The following NKAIN2 variants were observed in gnomAD, a reference collection of about 807,000 sequenced individuals.
The protein encoded by NKAIN2 is sodium/potassium transporting ATPase interacting 2, also known as sodium/potassium-transporting ATPase subunit beta-1-interacting protein 2.
Under a neutral mutation model 32.6 loss-of-function variants are expected in NKAIN2, and 14 were observed. That is an observed-to-expected ratio of 0.43 (90% confidence interval 0.28 to 0.67). NKAIN2 has a LOEUF of 0.67. Ranked by LOEUF, NKAIN2 falls within the 30% of genes least tolerant of loss-of-function variation. NKAIN2 has a pLI of 0.17. For synonymous variants in NKAIN2, 80 were observed against 87.2 expected (o/e 0.92, Z 0.46); for missense variants, 198 against 258.3 (o/e 0.77, Z 1.60).
intron 1 of NKAIN2, among the ~76,000 whole-genome samples, chr6:123,969,543 T>A (rs1778244140): frequency 6.6e-6 from 1 of 152,218 alleles, no homozygotes; most frequent in South Asian, 2.1e-4. Flanking sequence ...ATCTGTGTAG[T>A]AAGACTTTTT....
intron 1 of NKAIN2, among the ~76,000 whole-genome samples, chr6:124,199,531 G>C (rs1192638798): frequency 6.6e-6 from 1 of 152,138 alleles, no homozygotes; most frequent in Non-Finnish European, 1.5e-5. Flanking sequence ...GAAGCATGAA[G>C]ATATAGTCAG....
chr6:123,911,415 A>G (rs1775171947), intron 1 of NKAIN2, among the ~76,000 whole-genome samples: 1 of 152,010 alleles, frequency 6.6e-6, no homozygotes, highest in Admixed American at 6.6e-5. Flanking sequence ...AGGAGGTGCC[A>G]GACTCTTCAA....
intron 3 of NKAIN2, among the ~76,000 whole-genome samples, chr6:124,591,270 CAAG>C (rs1781901665): frequency 6.6e-6 from 1 of 152,098 alleles, no homozygotes; most frequent in Non-Finnish European, 1.5e-5. Flanking sequence ...TGGCCCGAGA[CAAG>C]AAATTCTTGG....
chr6:124,812,803 T>G (rs1780964014), intron 5 of NKAIN2, among the ~76,000 whole-genome samples: 1 of 152,134 alleles, frequency 6.6e-6, no homozygotes, highest in Non-Finnish European at 1.5e-5. Flanking sequence ...TTTGAACCTT[T>G]TCTTTTCCTC....
At chr6:124,364,686 G>T (rs1185458079) in intron 3 of NKAIN2, among the ~76,000 whole-genome samples, 1 of 151,632 alleles carries the variant, frequency 6.6e-6, no homozygotes, top group East Asian at 1.9e-4. Flanking sequence ...TCAACAACAC[G>T]TAAGATAAAT....
intron 1 of NKAIN2, among the ~76,000 whole-genome samples, chr6:124,054,564 A>G (rs907419446): frequency 7.9e-5 from 12 of 152,040 alleles, no homozygotes; most frequent in African/African-American, 2.9e-4. Flanking sequence ...CAAGCTAGGG[A>G]AATAGCACTT....
intron 4 of NKAIN2, among the ~76,000 whole-genome samples, chr6:124,721,378 T>C (rs1165224926): frequency 4.4e-5 from 6 of 137,220 alleles, no homozygotes; most frequent in African/African-American, 8.4e-5. Flanking sequence ...CACTCCCGCC[T>C]GGGCGACAGA....
chr6:124,428,165 T>C (rs1264564758), intron 3 of NKAIN2, among the ~76,000 whole-genome samples: 1 of 152,106 alleles, frequency 6.6e-6, no homozygotes. Flanking sequence ...AATTTTGTTG[T>C]TTTTAAAAAT....
At chr6:124,234,328 G>T in intron 1 of NKAIN2, among the ~76,000 whole-genome samples, 1 of 152,006 alleles carries the variant, frequency 6.6e-6, no homozygotes, top group East Asian at 1.9e-4. Flanking sequence ...TAAACTTTAT[G>T]AATAATCCAT....
chr6:124,251,245 C>T (rs1270586124), intron 1 of NKAIN2, among the ~76,000 whole-genome samples: 1 of 151,928 alleles, frequency 6.6e-6, no homozygotes, highest in Non-Finnish European at 1.5e-5. Flanking sequence ...AAAAGCCAGC[C>T]ATGTTCTGTG....
At chr6:124,760,429 AAT>A (rs959101686) in intron 4 of NKAIN2, among the ~76,000 whole-genome samples, 5 of 146,214 alleles carry the variant, frequency 3.4e-5, no homozygotes, top group South Asian at 4.4e-4. Context: ...AAAAAAAAAA[AAT>A]AGGCATCTCC....
At chr6:124,129,637 G>T (rs1160587546) in intron 1 of NKAIN2, among the ~76,000 whole-genome samples, 1 of 151,254 alleles carries the variant, frequency 6.6e-6, no homozygotes, top group Admixed American at 6.6e-5. Flanking sequence ...TTTTTTTTGA[G>T]ACGAAGTTTC....
chr6:124,530,219 T>A lies in NKAIN2; in HGVS notation c.274-127967T>A, dbSNP rs143415732. 1.9e-3 allele frequency among the ~76,000 whole-genome samples: 297 copies of A among 152,326 alleles called. 3 individuals are homozygous for A. The highest frequency in any genetic ancestry group is 7.0e-3 in the African/African-American group (290 of 41,590). On this transcript the variant is annotated intron_variant, in intron 3 of 6. Transcript: ENST00000368417. ...GGAACCTTACAGACAATATAAACAGTCAGTTAATGCATATTTTCTATATGT... is the reference window on the plus strand; with the variant it reads ...GGAACCTTACAGACAATATAAACAGACAGTTAATGCATATTTTCTATATGT...
chr6:124,740,466 G>GTGTGTA (rs1159453484), intron 4 of NKAIN2, among the ~76,000 whole-genome samples: 1 of 150,932 alleles, frequency 6.6e-6, no homozygotes, highest in Non-Finnish European at 1.5e-5. Context: ...GTGTGTGTGT[G>GTGTGTA]TGTGTGTGGT....
intron 1 of NKAIN2, among the ~76,000 whole-genome samples, chr6:123,815,955 A>G (rs1204209396): frequency 6.6e-6 from 1 of 152,172 alleles, no homozygotes; most frequent in South Asian, 2.1e-4. Flanking sequence ...GGGCAGCATG[A>G]TAAGAACTTA....
chr6:124,728,856 T>TA (rs2114656123), intron 4 of NKAIN2, among the ~76,000 whole-genome samples: 1 of 151,294 alleles, frequency 6.6e-6, no homozygotes, highest in Admixed American at 6.6e-5. Flanking sequence ...ATAGACGCAA[T>TA]AAAAAATGAT....
At position 124,048,849 on chromosome 6, in the gene NKAIN2, C is replaced by A. The variant is rs545004564; in HGVS notation, c.55-234156C>A. ...GCTGTCACAGTAATTTTCTTAAGTG[C>A]ATGGCTCAGTCGTATTAGGTCTTTT... On this transcript the variant is annotated intron_variant, in intron 1 of 6. Transcript: ENST00000368417. 3.3e-5 allele frequency among the ~76,000 whole-genome samples: 5 copies of A among 152,130 alleles called. No homozygotes were observed. The South Asian group carries it at 8.3e-4, about 25-fold the overall frequency.
At chr6:124,323,014 C>A (rs1337663947) in intron 2 of NKAIN2, among the ~76,000 whole-genome samples, 2 of 152,144 alleles carry the variant, frequency 1.3e-5, no homozygotes. Context: ...ATTTGCATTT[C>A]CCTAATGGCT....
chr6:124,780,683 G>T (rs1426449677), intron 4 of NKAIN2, among the ~76,000 whole-genome samples: 1 of 152,278 alleles, frequency 6.6e-6, no homozygotes, highest in Admixed American at 6.5e-5. Flanking sequence ...TTATCGTTTA[G>T]ATTTTCAAGC....
Sources: gnomAD v4.1 joint callset for allele counts (sites outside exome capture counted in the v4.1 genomes callset) on GRCh38, gnomAD v4.1.1 for gene constraint, MANE v1.5 for transcripts, NCBI Gene and HGNC (gene_info 2026-07-23, HGNC 2026-07-21) for gene names.